The following WNT7A variants were observed in gnomAD, a reference collection of about 807,000 sequenced individuals.
The protein encoded by WNT7A is protein Wnt-7a.
A neutral mutation model predicts 28.2 loss-of-function variants in WNT7A; 16 were observed. The ratio of observed to expected loss-of-function variants is 0.57; its 90% CI spans 0.38 to 0.86. The LOEUF (loss-of-function observed/expected upper bound fraction) is 0.86, where lower values mean the gene tolerates loss of function less well. WNT7A is among the 40% of genes least tolerant of loss of function. The pLI is 0.00. For synonymous variants in WNT7A, 190 were observed against 195.9 expected, an observed-to-expected ratio of 0.97 and a Z score of 0.25; for missense variants, 411 against 489.7, an observed-to-expected ratio of 0.84 and a Z score of 1.52.
At chr3:13,852,254 C>A (rs1282823906) in intron 3 of WNT7A, among the ~76,000 whole-genome samples, 2 of 152,232 alleles carry the variant, frequency 1.3e-5, no homozygotes, top group African/African-American at 4.8e-5. Context: ...GCCAACAAGC[C>A]CCAGAGCCTG....
rs1694696162 is a variant in WNT7A, at chr3:13,854,565, G to A, written c.537C>T (p.Leu179=). ...AREIKQNART[L]MNLHNNEAGR... is the part of the protein sequence containing the mutation. ...CTGCCTCGTTGTTGTGCAAGTTCATGAGAGTCCGGGCATTCTGCTTGATCT... is the reference window on the plus strand; with the variant it reads ...CTGCCTCGTTGTTGTGCAAGTTCATAAGAGTCCGGGCATTCTGCTTGATCT... The change falls in exon 3 of 4, where the codon CTC becomes CTT. Residue 179 remains leucine (L), a synonymous_variant. Coordinates refer to ENST00000285018, the MANE Select transcript of WNT7A (RefSeq NM_004625.4). 1.2e-6 allele frequency: 2 copies of A among 1,614,184 alleles called. No homozygotes were observed. The highest frequency in any genetic ancestry group is 1.7e-6 in the Non-Finnish European group (2 of 1,180,050).
At chr3:13,864,154 T>C (rs1347322499) in intron 2 of WNT7A, among the ~76,000 whole-genome samples, 1 of 152,284 alleles carries the variant, frequency 6.6e-6, no homozygotes, top group East Asian at 1.9e-4. Context: ...GAAATCACCA[T>C]TTCTTTGCCG....
intron 3 of WNT7A, 56 bp from the exon 4 acceptor site, chr3:13,819,479 T>G (rs928256852): frequency 1.4e-5 from 22 of 1,586,130 alleles, no homozygotes; most frequent in Admixed American, 3.4e-5. Context: ...CAAGGCCAAG[T>G]GCAGCCCCCA....
intron 2 of WNT7A, among the ~76,000 whole-genome samples, chr3:13,869,431 GAAGAAAGA>G (rs1213991670): frequency 1.2e-4 from 9 of 77,762 alleles, no homozygotes; most frequent in Non-Finnish European, 2.2e-4. Context: ...ACAAAGAAAA[GAAGAAAGA>G]AAAGAAAAAG....
intron 3 of WNT7A, among the ~76,000 whole-genome samples, chr3:13,826,611 G>A (rs560191020): frequency 2.6e-5 from 4 of 152,262 alleles, no homozygotes; most frequent in Non-Finnish European, 5.9e-5. Context: ...GGGTCTTTTG[G>A]TGCTACCGAA....
intron 2 of WNT7A, among the ~76,000 whole-genome samples, chr3:13,856,472 AC>A (rs752503959): frequency 2.0e-5 from 3 of 152,148 alleles, no homozygotes; most frequent in Non-Finnish European, 4.4e-5. Flanking sequence ...TTATTTTAGC[AC>A]CTACCGGGCT....
intron 3 of WNT7A, among the ~76,000 whole-genome samples, chr3:13,849,483 G>T (rs996755890): frequency 5.9e-5 from 9 of 152,174 alleles, no homozygotes; most frequent in Non-Finnish European, 1.0e-4. Flanking sequence ...GCAAGCACTT[G>T]CCATATCATT....
intron 2 of WNT7A, among the ~76,000 whole-genome samples, chr3:13,867,259 G>T (rs978222603): frequency 3.9e-5 from 6 of 152,160 alleles, no homozygotes; most frequent in Non-Finnish European, 7.3e-5. Context: ...TAAGGGTGGG[G>T]CTGGGATGCA....
chr3:13,869,552 G>T (rs1027103463), intron 2 of WNT7A, among the ~76,000 whole-genome samples: 4 of 146,758 alleles, frequency 2.7e-5, no homozygotes, highest in African/African-American at 1.0e-4. Context: ...AAAAAAGAAA[G>T]AAAAGAAGGA....
At chr3:13,868,833 AAAG>A (rs1694974774) in intron 2 of WNT7A, among the ~76,000 whole-genome samples, 1 of 140,014 alleles carries the variant, frequency 7.1e-6, no homozygotes, top group Non-Finnish European at 1.6e-5. Context: ...AGAAAGAGAG[AAAG>A]AGAGAGAGAA....
At chr3:13,868,571 AGAGAGAGAGAGAGAGAGAGG>A (rs1559306848) in intron 2 of WNT7A, among the ~76,000 whole-genome samples, 4 of 21,436 alleles carry the variant, frequency 1.9e-4, no homozygotes, top group Admixed American at 6.3e-4. Context: ...GGAGAGAGAG[AGAGAGAGAGAGAGAGAGAGG>A]GAGAAAGAAA....
chr3:13,876,243 C>T (rs1196260281), intron 1 of WNT7A, among the ~76,000 whole-genome samples: 6 of 152,134 alleles, frequency 3.9e-5, no homozygotes, highest in South Asian at 4.1e-4. Context: ...GAGACAAGTT[C>T]GGGGTCTTCA....
chr3:13,816,938 T>C lies in WNT7A; in HGVS notation c.*2006A>G, dbSNP rs531459756. The C allele has an allele frequency of 1.3e-5, 2 of 151,682 alleles. No homozygotes were observed. Among genetic ancestry groups the C allele is most frequent in the East Asian group, 1.9e-4 (1 of 5,150 alleles). The allele number at this position is 151,682 out of a possible 1,614,324, so 9.4% of individuals were successfully genotyped here. A position where few individuals can be genotyped will look rare whatever the true frequency, so the allele number is the denominator to read the frequency against. On this transcript the variant is annotated 3_prime_UTR_variant, in exon 4 of 4. Transcript: ENST00000285018. ...ATGCCCACTCCTCCAGACACCCAAG[T>C]AAAAGAAAAATGGAAAAAAATGTCC...
chr3:13,855,613 G>A (rs1694716590), intron 2 of WNT7A, among the ~76,000 whole-genome samples: 1 of 152,248 alleles, frequency 6.6e-6, no homozygotes, highest in South Asian at 2.1e-4. Flanking sequence ...ACTCAGAGTT[G>A]GCCTAAATAT....
chr3:13,846,118 T>TG (rs1190650478), intron 3 of WNT7A, among the ~76,000 whole-genome samples: 5 of 152,138 alleles, frequency 3.3e-5, no homozygotes, highest in African/African-American at 1.2e-4. Flanking sequence ...AGGCAGAAGG[T>TG]GGTGGCTCAA....
At chr3:13,845,337 C>T (rs955802638) in intron 3 of WNT7A, among the ~76,000 whole-genome samples, 5 of 152,144 alleles carry the variant, frequency 3.3e-5, no homozygotes, top group African/African-American at 9.7e-5. Context: ...CCTGCCACCA[C>T]GGAATGGTCT....
intron 3 of WNT7A, among the ~76,000 whole-genome samples, chr3:13,839,784 C>T (rs1694427427): frequency 6.6e-6 from 1 of 152,200 alleles, no homozygotes; most frequent in African/African-American, 2.4e-5. Context: ...GCAAGTAAAT[C>T]ACTCAGAGGT....
At chr3:13,862,627 C>G (rs1694848892) in intron 2 of WNT7A, among the ~76,000 whole-genome samples, 1 of 152,228 alleles carries the variant, frequency 6.6e-6, no homozygotes, top group Admixed American at 6.5e-5. Flanking sequence ...AACCAGGGAG[C>G]CTCTCAATGA....
chr3:13,864,134 C>T (rs1241345499), intron 2 of WNT7A, among the ~76,000 whole-genome samples: 1 of 152,152 alleles, frequency 6.6e-6, no homozygotes, highest in Non-Finnish European at 1.5e-5. Flanking sequence ...TCCCCAGGAG[C>T]ACATGGCGGG....
Sources: gnomAD v4.1 joint callset for allele counts (sites outside exome capture counted in the v4.1 genomes callset) on GRCh38, gnomAD v4.1.1 for gene constraint, MANE v1.5 for transcripts, NCBI Gene and HGNC (gene_info 2026-07-23, HGNC 2026-07-21) for gene names.